The following EFNA5 variants were observed in gnomAD, a reference collection of about 807,000 sequenced individuals.
The protein encoded by EFNA5 is ephrin A5.
EFNA5 carries 5 observed loss-of-function variants against 22.9 expected under a neutral mutation model. That is an observed-to-expected ratio of 0.22 (90% CI 0.11 to 0.46). EFNA5 has a LOEUF of 0.46. Ranked by LOEUF, EFNA5 falls within the 20% of genes least tolerant of loss-of-function variation. EFNA5 has a pLI of 0.99. For synonymous variants in EFNA5, 113 were observed against 112.2 expected, an observed-to-expected ratio of 1.01 and a Z score of -0.04; for missense variants, 237 against 293.3, an observed-to-expected ratio of 0.81 and a Z score of 1.40.
At chr5:107,590,554 AT>A (rs986812319) in intron 1 of EFNA5, among the ~76,000 whole-genome samples, 5 of 150,580 alleles carry the variant, frequency 3.3e-5, no homozygotes, top group African/African-American at 7.3e-5. Flanking sequence ...AGGCTGAGCT[AT>A]TTTTTTTTCT....
chr5:107,388,332 G>C (rs1398270515), intron 2 of EFNA5, among the ~76,000 whole-genome samples: 3 of 152,100 alleles, frequency 2.0e-5, no homozygotes. Context: ...CTCAGAACTT[G>C]GCTCTGCATT....
Position 107,427,235 on chromosome 5 carries a change from G to T in EFNA5, c.400C>A (p.Arg134=). Residue 134 remains arginine, a synonymous_variant, in exon 2 of 5, where the codon CGA becomes AGA. Coordinates refer to ENST00000333274, the MANE Select transcript of EFNA5 (RefSeq NM_001962.3). ...FSLGFEFRPG[R]EYFYISSAIP... is the part of the protein sequence containing the mutation. ...TACTCACAGATGTAGAAATATTCTCGGCCTGGCCTGAATTCAAATCCTAGA... is the reference window on the plus strand; with the variant it reads ...TACTCACAGATGTAGAAATATTCTCTGCCTGGCCTGAATTCAAATCCTAGA... The T allele has an allele frequency of 6.2e-7, 1 of 1,613,944 alleles. No homozygotes were observed. The highest frequency in any genetic ancestry group is 1.1e-5 in the South Asian group (1 of 91,068).
At chr5:107,482,514 A>G (rs1561406051) in intron 1 of EFNA5, among the ~76,000 whole-genome samples, 4 of 152,132 alleles carry the variant, frequency 2.6e-5, no homozygotes, top group South Asian at 4.1e-4. Context: ...CTATTCTCAG[A>G]TAAGACCCAG....
chr5:107,386,013 G>T (rs1332162737), intron 4 of EFNA5, among the ~76,000 whole-genome samples: 2 of 151,988 alleles, frequency 1.3e-5, no homozygotes, highest in Non-Finnish European at 2.9e-5. Flanking sequence ...GCTATTGTAT[G>T]TCCTGAGGCA....
At position 107,660,276 on chromosome 5, in the gene EFNA5, ATATATATATAT is replaced by A. The variant is rs1750920129; in HGVS notation, c.125+10202_125+10212del. 8.0e-4 allele frequency among the ~76,000 whole-genome samples: 45 copies of A among 56,482 alleles called. 2 individuals carry two copies. The highest frequency in any genetic ancestry group is 5.3e-3 in the East Asian group (6 of 1,132). 37.1% of individuals were successfully genotyped at this position (56,482 alleles called of 152,430 possible). On this transcript the variant is annotated intron_variant, in intron 1 of 4. Transcript: ENST00000333274. Reference sequence around the variant, plus strand: ...ATGGCAAAAACATATATATATATATATATATATATATATATATATATATATATATATATATA... The same window carrying A: ...ATGGCAAAAACATATATATATATATAATATATATATATATATATATATATA...
At chr5:107,598,159 G>A (rs1464619301) in intron 1 of EFNA5, among the ~76,000 whole-genome samples, 4 of 152,240 alleles carry the variant, frequency 2.6e-5, no homozygotes, top group Middle Eastern at 3.4e-3. Context: ...CAGATACAAT[G>A]ATAGGTGCTT....
chr5:107,394,693 A>T (rs1163779773), intron 2 of EFNA5, among the ~76,000 whole-genome samples: 2 of 152,176 alleles, frequency 1.3e-5, no homozygotes, highest in Non-Finnish European at 2.9e-5. Context: ...CACTGCTAAT[A>T]ACTAACCTGA....
chr5:107,458,750 A>G (rs1424048650), intron 1 of EFNA5, among the ~76,000 whole-genome samples: 1 of 152,166 alleles, frequency 6.6e-6, no homozygotes, highest in Non-Finnish European at 1.5e-5. Flanking sequence ...ACCATTTAAA[A>G]CAATTGTTAC....
intron 2 of EFNA5, among the ~76,000 whole-genome samples, chr5:107,395,034 C>CTTTTTTTATTTTTTTTTTTTTTTTT (rs1747883934): frequency 1.2e-5 from 1 of 86,140 alleles, no homozygotes; most frequent in African/African-American, 4.3e-5. Flanking sequence ...ATTTCTAGTT[C>CTTTTTTTATTTTTTTTTTTTTTTTT]TTTTTTTTTT....
Position 107,427,476 on chromosome 5 carries a change from A to G in EFNA5, c.159T>C (p.Cys53=). Residue 53 remains cysteine, a synonymous_variant, in exon 2 of 5, where the codon TGT becomes TGC. Transcript: ENST00000333274. Reference sequence around the variant, plus strand: ...AGAAAACATCCAGGTAGTCATTGATACAGACATCAATATGGTAGTCACCCC... The same window carrying G: ...AGAAAACATCCAGGTAGTCATTGATGCAGACATCAATATGGTAGTCACCCC... ...FQRGDYHIDV[C]INDYLDVFCP... The G allele has an allele frequency of 6.2e-7, 1 of 1,613,798 alleles. No individual in the cohort carries two copies. Among genetic ancestry groups the G allele is most frequent in the Non-Finnish European group, 8.5e-7 (1 of 1,179,876 alleles).
At chr5:107,637,210 T>A (rs2112540903) in intron 1 of EFNA5, among the ~76,000 whole-genome samples, 1 of 152,018 alleles carries the variant, frequency 6.6e-6, no homozygotes, top group Middle Eastern at 3.4e-3. Flanking sequence ...GTAATATAAT[T>A]ATAAGAGAAA....
At chr5:107,563,451 T>C (rs1375494417) in intron 1 of EFNA5, among the ~76,000 whole-genome samples, 1 of 152,166 alleles carries the variant, frequency 6.6e-6, no homozygotes, top group East Asian at 1.9e-4. Flanking sequence ...ATTGTCATTA[T>C]TTTAAGACAG....
At chr5:107,610,757 T>C (rs570156757) in intron 1 of EFNA5, among the ~76,000 whole-genome samples, 63 of 152,220 alleles carry the variant, frequency 4.1e-4, no homozygotes, top group Middle Eastern at 3.2e-3. Flanking sequence ...CCATTGTTCA[T>C]TTTATTCACA....
At chr5:107,659,487 T>C (rs1750898417) in intron 1 of EFNA5, among the ~76,000 whole-genome samples, 1 of 150,014 alleles carries the variant, frequency 6.7e-6, no homozygotes, top group Non-Finnish European at 1.5e-5. Flanking sequence ...TTGAGTTTTT[T>C]GGGTTTTCCT....
chr5:107,475,651 A>G (rs1750265746), intron 1 of EFNA5, among the ~76,000 whole-genome samples: 3 of 152,118 alleles, frequency 2.0e-5, no homozygotes, highest in Non-Finnish European at 1.5e-5. Context: ...TATAATTTTG[A>G]AGGCTGTTCA....
chr5:107,524,192 G>T (rs1173488056), intron 1 of EFNA5, among the ~76,000 whole-genome samples: 1 of 152,184 alleles, frequency 6.6e-6, no homozygotes, highest in Non-Finnish European at 1.5e-5. Flanking sequence ...ATTACCATGA[G>T]TGACTCTTTA....
At chr5:107,384,709 T>G (rs1747564917) in intron 4 of EFNA5, among the ~76,000 whole-genome samples, 1 of 150,730 alleles carries the variant, frequency 6.6e-6, no homozygotes, top group Non-Finnish European at 1.5e-5. Flanking sequence ...ACTCCTGGGC[T>G]TAAGCAATCC....
intron 1 of EFNA5, among the ~76,000 whole-genome samples, chr5:107,647,611 G>C (rs1171234258): frequency 6.6e-6 from 1 of 152,064 alleles, no homozygotes; most frequent in African/African-American, 2.4e-5. Flanking sequence ...GCTTTTATTA[G>C]ATAACAAGGA....
chr5:107,450,077 G>C (rs1749518250), intron 1 of EFNA5, among the ~76,000 whole-genome samples: 1 of 152,076 alleles, frequency 6.6e-6, no homozygotes, highest in South Asian at 2.1e-4. Flanking sequence ...GGTTATTTTT[G>C]CCAAAAAATT....
Sources: gnomAD v4.1 joint callset for allele counts (sites outside exome capture counted in the v4.1 genomes callset) on GRCh38, gnomAD v4.1.1 for gene constraint, MANE v1.5 for transcripts, NCBI Gene and HGNC (gene_info 2026-07-23, HGNC 2026-07-21) for gene names.